Variants in UNC80 observed in about 807,000 individuals in gnomAD.
The protein encoded by UNC80 is protein unc-80 homolog.
In UNC80, 164 loss-of-function variants were observed where a neutral mutation model predicts 384.6. The observed-to-expected ratio is 0.43, with a 90% CI of 0.38 to 0.49. The LOEUF is 0.49. Ranked by LOEUF, UNC80 falls within the 20% of genes least tolerant of loss-of-function variation. The pLI is 0.00. For synonymous variants in UNC80, 1,486 were observed against 1,527.8 expected (o/e 0.97, Z 0.64); for missense variants, 3,330 against 4,143.0 (o/e 0.80, Z 5.39).
intron 31 of UNC80, 65 bp downstream of exon 31, chr2:209,914,005 A>C: frequency 6.8e-7 from 1 of 1,471,828 alleles, no homozygotes; most frequent in East Asian, 2.5e-5. Context: ...AAGTGTTTAA[A>C]TAAGAGAGGT....
chr2:209,786,279 T>C lies in UNC80; in HGVS notation c.724+90T>C, dbSNP rs2077422617. On this transcript the variant is annotated intron_variant, in intron 5 of 64. Transcript: ENST00000673920. The stretch of plus-strand genomic sequence containing the variant: ...GATGGGATAATTTGCCCCTAAGAAG[T>C]CAAAAAGAAGCAAATATCTACATGT... 3 of 1,460,086 alleles carry C rather than the reference T, an allele frequency of 2.1e-6. No individual in the cohort carries two copies. In the African/African-American group the frequency reaches 4.3e-5, roughly 21 times the overall value. The allele number at this position is 1,460,086 out of a possible 1,614,324, so 90.4% of individuals were successfully genotyped here.
At chr2:209,835,713 G>A (rs903502534) in intron 18 of UNC80, among the ~76,000 whole-genome samples, 2 of 152,124 alleles carry the variant, frequency 1.3e-5, no homozygotes, top group Non-Finnish European at 2.9e-5. Flanking sequence ...ATACCATTCT[G>A]CTTCCCCAAA....
chr2:209,840,611 C>G lies in UNC80; in HGVS notation c.3320C>G (p.Ser1107Cys). Residue 1107 changes from serine to cysteine, a missense_variant, in exon 20 of 65, where the codon TCT becomes TGT. Physicochemically the swap from Ser to Cys is moderately radical, Grantham distance 112. Transcript: ENST00000673920. ...DGVEDLLDISSVDRLSFIRQS... is the reference protein window; with the variant it reads ...DGVEDLLDISCVDRLSFIRQS... Reference sequence around the variant, plus strand: ...GTGGAGGACCTCCTGGACATTAGCTCTGTGGACCGACTCTCTTTCATCAGG... The same window carrying G: ...GTGGAGGACCTCCTGGACATTAGCTGTGTGGACCGACTCTCTTTCATCAGG... 1.9e-6 allele frequency: 3 copies of G among 1,552,006 alleles called. No homozygotes were observed. Among genetic ancestry groups the G allele is most frequent in the Non-Finnish European group, 8.7e-7 (1 of 1,147,004 alleles).
intron 16 of UNC80, among the ~76,000 whole-genome samples, chr2:209,831,941 T>A (rs1177272054): frequency 6.6e-6 from 1 of 152,224 alleles, no homozygotes; most frequent in Admixed American, 6.5e-5. Context: ...CCAAGTATTA[T>A]TTGAAGCCAT....
Position 209,918,555 on chromosome 2 carries a change from C to T in UNC80, c.5235C>T (p.Phe1745=), listed in dbSNP as rs1157806551. 2 of 1,552,248 alleles carry T rather than the reference C, an allele frequency of 1.3e-6. No homozygotes were observed. Among genetic ancestry groups the T allele is most frequent in the Non-Finnish European group, 1.7e-6 (2 of 1,147,108 alleles). The change falls in exon 33 of 65, where the codon TTC becomes TTT. Residue 1745 remains phenylalanine (F), a synonymous_variant. Coordinates refer to ENST00000673920, the MANE Select transcript of UNC80 (RefSeq NM_001371986.1). The part of the protein sequence containing the change: ...IFKIPPPSIN[F]TLPSPVLGMP... ...AGATTCCGCCTCCCAGTATCAATTT[C>T]ACCCTTCCCTCGCCGGTGCTTGGAA... is the stretch of plus-strand genomic sequence containing the variant.
chr2:209,974,385 G>C (rs1444540521), intron 56 of UNC80, among the ~76,000 whole-genome samples: 1 of 152,184 alleles, frequency 6.6e-6, no homozygotes, highest in African/African-American at 2.4e-5. Flanking sequence ...CTCTATCATA[G>C]AGCCCTACAT....
intron 14 of UNC80, among the ~76,000 whole-genome samples, chr2:209,828,275 T>C (rs1415797887): frequency 6.6e-6 from 1 of 152,212 alleles, no homozygotes; most frequent in Admixed American, 6.5e-5. Flanking sequence ...CTTTGCAAAC[T>C]TCATTTTATA....
At chr2:209,947,762 A>C (rs1559377352) in intron 47 of UNC80, among the ~76,000 whole-genome samples, 1 of 152,108 alleles carries the variant, frequency 6.6e-6, no homozygotes, top group African/African-American at 2.4e-5. Flanking sequence ...CATTCACATA[A>C]AACACTAAAA....
At chr2:209,890,242 T>C (rs950914890) in intron 26 of UNC80, among the ~76,000 whole-genome samples, 1 of 152,222 alleles carries the variant, frequency 6.6e-6, no homozygotes, top group African/African-American at 2.4e-5. Flanking sequence ...CATCACAATG[T>C]TAGTGATGCA....
At chr2:209,849,935 C>A (rs1015808240) in intron 22 of UNC80, among the ~76,000 whole-genome samples, 1 of 151,994 alleles carries the variant, frequency 6.6e-6, no homozygotes, top group Non-Finnish European at 1.5e-5. Flanking sequence ...GCTTCCTCCT[C>A]GGGCTAGTGC....
chr2:209,834,232 T>C lies in UNC80; in HGVS notation c.2942+64T>C, dbSNP rs2081191613. The C allele has an allele frequency of 3.4e-5, 51 of 1,504,398 alleles. No individual in the cohort carries two copies. The South Asian group carries it at 6.0e-4, about 18-fold the overall frequency. 93.2% of individuals were successfully genotyped at this position (1,504,398 alleles called of 1,614,324 possible). A position where few individuals can be genotyped will look rare whatever the true frequency, so the allele number is the denominator to read the frequency against. On this transcript the variant is annotated intron_variant, in intron 17 of 64. Coordinates refer to ENST00000673920, the MANE Select transcript of UNC80 (RefSeq NM_001371986.1). ...TAAGTCAGTAGAATAAAATCTGTTG[T>C]ACTGTTTGTGTGGTTCCTGTGCTGA... is the stretch of plus-strand genomic sequence containing the variant.
In UNC80 at chr2:209,936,902, A is replaced by T. The variant is rs1269263174; in HGVS notation, c.6332A>T (p.Asp2111Val). ...CAGTCAACACATTATTTTCTTATGG[A>T]TAAACGATGGAACCTTATCCACTAC... ...ESQSTHYFLM[D>V]KRWNLIHYNK... The change falls in exon 41 of 65, where the codon GAT becomes GTT. Residue 2111 changes from aspartate to valine, a missense_variant. Around this residue, in one of 8 missense-constraint regions of UNC80, gnomAD observed 1,049 missense variants for 1,488.6 expected, o/e 0.70. Coordinates refer to ENST00000673920, the MANE Select transcript of UNC80 (RefSeq NM_001371986.1). The T allele has an allele frequency of 1.3e-6, 2 of 1,551,002 alleles. No homozygotes were observed. The highest frequency in any genetic ancestry group is 1.2e-5 in the South Asian group (1 of 84,046).
chr2:209,792,639 G>T (rs6719676), intron 6 of UNC80, among the ~76,000 whole-genome samples: 22,824 of 152,090 alleles, frequency 0.15, 2,516 homozygotes, highest in African/African-American at 0.3. Flanking sequence ...GAGCCACCGC[G>T]CCCGGTTCCA....
Position 209,809,505 on chromosome 2 carries a change from G to C in UNC80, c.939-4075G>C, listed in dbSNP as rs533346704. ...ACGTCAAGAAGTACCAGTGCCAGGCGTGCGCTCGAACCTTCTCCCGAATGG... is the reference window on the plus strand; with the variant it reads ...ACGTCAAGAAGTACCAGTGCCAGGCCTGCGCTCGAACCTTCTCCCGAATGG... On this transcript the variant is annotated intron_variant, in intron 7 of 64. Transcript: ENST00000673920. 90 of 1,186,382 alleles carry C rather than the reference G, an allele frequency of 7.6e-5. No homozygotes were observed. The African/African-American group carries it at 1.3e-3, about 17-fold the overall frequency. The allele number at this position is 1,186,382 out of a possible 1,614,324, so 73.5% of individuals were successfully genotyped here. A position where few individuals can be genotyped will look rare whatever the true frequency, so the allele number is the denominator to read the frequency against.
At chr2:209,845,977 C>T (rs947518416) in intron 21 of UNC80, among the ~76,000 whole-genome samples, 1 of 151,530 alleles carries the variant, frequency 6.6e-6, no homozygotes, top group Admixed American at 6.6e-5. Flanking sequence ...TTCTTGCTCT[C>T]TCTCTTCTTT....
chr2:209,883,457 G>C (rs1272490288), intron 25 of UNC80, among the ~76,000 whole-genome samples: 5 of 133,186 alleles, frequency 3.8e-5, no homozygotes. Context: ...TTGAGATGGA[G>C]TCTTGCTCTG....
rs549120735 is a variant in UNC80, at chr2:209,926,920, T to G, written c.5740T>G (p.Cys1914Gly). ...ACAAGCAGTGTTCCCAGCATGCATC[T>G]GTGCAGCAGTACTTCCCATTGTTCA... The part of the protein sequence containing the change: ...PPQAVFPACI[C>G]AAVLPIVHLM... Residue 1914 changes from cysteine (C) to glycine (G), a missense_variant, in exon 36 of 65, where the codon TGT becomes GGT. Physicochemically the swap from Cys to Gly is radical, Grantham distance 159 (BLOSUM62 -3). Around this residue, in one of 8 missense-constraint regions of UNC80, gnomAD observed 1,049 missense variants for 1,488.6 expected, o/e 0.70. Coordinates refer to ENST00000673920, the MANE Select transcript of UNC80 (RefSeq NM_001371986.1). The G allele has an allele frequency of 6.4e-7, 1 of 1,552,234 alleles. No individual in the cohort carries two copies. Among genetic ancestry groups the G allele is most frequent in the Non-Finnish European group, 8.7e-7 (1 of 1,147,080 alleles).
At chr2:209,803,601 C>A (rs1261954391) in intron 7 of UNC80, among the ~76,000 whole-genome samples, 1 of 152,116 alleles carries the variant, frequency 6.6e-6, no homozygotes, top group Non-Finnish European at 1.5e-5. Flanking sequence ...ATATTCTAGT[C>A]AAAAATATGA....
chr2:209,774,484 A>G (rs1470229260), intron 2 of UNC80, among the ~76,000 whole-genome samples: 1 of 152,174 alleles, frequency 6.6e-6, no homozygotes, highest in Non-Finnish European at 1.5e-5. Context: ...GGATAGATAT[A>G]TATATATCTC....
Sources: gnomAD v4.1 joint callset for allele counts (sites outside exome capture counted in the v4.1 genomes callset) on GRCh38, gnomAD v4.1.1 for gene constraint, gnomAD v4.1.1 regional missense constraint, MANE v1.5 for transcripts, NCBI Gene and HGNC (gene_info 2026-07-23, HGNC 2026-07-21) for gene names.